The following SCNN1B variants were observed in gnomAD, a reference collection of about 807,000 sequenced individuals.
SCNN1B encodes epithelial sodium channel subunit beta.
A neutral mutation model predicts 65.3 loss-of-function variants in SCNN1B; 46 were observed. That is an observed-to-expected ratio of 0.70 (90% CI 0.56 to 0.90). The LOEUF is 0.90. Ranked by LOEUF, SCNN1B falls within the 40% of genes least tolerant of loss-of-function variation. The pLI is 0.00. For synonymous variants in SCNN1B, 349 were observed against 330.6 expected (o/e 1.06, Z -0.60); for missense variants, 751 against 830.5 (o/e 0.90, Z 1.18).
At chr16:23,302,539 C>T (rs1183165656) in intron 1 of SCNN1B, 102 bp downstream of exon 1, 1 of 152,426 alleles carries the variant, frequency 6.6e-6, no homozygotes, top group Non-Finnish European at 1.5e-5. Context: ...GAGCTCCTGT[C>T]CCGGCCTCAG....
chr16:23,314,807 A>G (rs1188630542), intron 1 of SCNN1B, among the ~76,000 whole-genome samples: 1 of 152,062 alleles, frequency 6.6e-6, no homozygotes, highest in African/African-American at 2.4e-5. Flanking sequence ...CCAGCCTTCA[A>G]TTTTCCCTGG....
rs370723057 is a variant in SCNN1B, at chr16:23,318,058, C to T, written c.-9+15621C>T. On this transcript the variant is annotated intron_variant, in intron 1 of 12. Transcript: ENST00000343070. ...GTGTAAATGCCAATCAAGAGGCAAA[C>T]GGCCCAGGTTTGCTGCCCAAGGCTT... 5.9e-5 allele frequency among the ~76,000 whole-genome samples: 9 copies of T among 152,324 alleles called. No homozygotes were observed. The South Asian group carries it at 1.9e-3, about 32-fold the overall frequency.
intron 2 of SCNN1B, among the ~76,000 whole-genome samples, chr16:23,287,003 GGTT>G (rs1206758076): frequency 3.1e-5 from 4 of 127,658 alleles, no homozygotes; most frequent in African/African-American, 1.1e-4. Context: ...GTTGTTGCTG[GGTT>G]GTTTTTTTTT....
At chr16:23,331,727 T>TG (rs1224766924) in intron 1 of SCNN1B, among the ~76,000 whole-genome samples, 2 of 152,280 alleles carry the variant, frequency 1.3e-5, no homozygotes, top group East Asian at 3.9e-4. Context: ...AATATGAATT[T>TG]GGTGGGGGGA....
intron 1 of SCNN1B, among the ~76,000 whole-genome samples, chr16:23,333,450 G>A (rs1411191886): frequency 6.6e-6 from 1 of 152,192 alleles, no homozygotes; most frequent in African/African-American, 2.4e-5. Context: ...GTGAATGACA[G>A]TTCCAACCAC....
At chr16:23,358,758 T>C (rs1291095245) in intron 4 of SCNN1B, among the ~76,000 whole-genome samples, 4 of 152,048 alleles carry the variant, frequency 2.6e-5, no homozygotes, top group African/African-American at 9.7e-5. Context: ...TATACAAAAA[T>C]TAGCCAGGTG....
intron 2 of SCNN1B, among the ~76,000 whole-genome samples, chr16:23,286,500 T>C (rs756154531): frequency 2.0e-5 from 3 of 152,218 alleles, no homozygotes; most frequent in Non-Finnish European, 4.4e-5. Flanking sequence ...AGCCTTTCAT[T>C]TTGAGCTTTC....
chr16:23,289,091 A>G lies in SCNN1B; in HGVS notation n.178+5287A>G, dbSNP rs544548491. ...TCGATGATTAGAAGCAAGCCACTAG[A>G]TCAGCCTCCCCATACAGGGGTGTTG... On this transcript the variant is annotated intron_variant and non_coding_transcript_variant, in intron 2 of 3. Transcript: ENST00000569789. 4.6e-5 allele frequency among the ~76,000 whole-genome samples: 7 copies of G among 152,324 alleles called. No individual in the cohort carries two copies. The East Asian group carries it at 1.3e-3, about 29-fold the overall frequency.
intron 1 of SCNN1B, chr16:23,323,472 A>T (rs918875413): frequency 2.9e-6 from 2 of 698,230 alleles, no homozygotes; most frequent in East Asian, 2.7e-5. Flanking sequence ...CATGCCAGAC[A>T]CTGTGCTAGG....
chr16:23,321,702 C>A (rs574282907), intron 1 of SCNN1B, among the ~76,000 whole-genome samples: 1 of 152,242 alleles, frequency 6.6e-6, no homozygotes, highest in Non-Finnish European at 1.5e-5. Flanking sequence ...AGGTACTCCG[C>A]GGACGGTGGC....
At chr16:23,283,655 T>TC (rs1960812084) in intron 1 of SCNN1B, 1 of 152,078 alleles carries the variant, frequency 6.6e-6, no homozygotes, top group South Asian at 2.1e-4. Context: ...GTCTGCATTG[T>TC]CCCTGAAAAA....
chr16:23,326,490 AGTCTCACTCT>A (rs1961700055), intron 1 of SCNN1B, among the ~76,000 whole-genome samples: 1 of 152,052 alleles, frequency 6.6e-6, no homozygotes, highest in Admixed American at 6.6e-5. Context: ...TTTGAGACAG[AGTCTCACTCT>A]GTCACCCAGG....
At chr16:23,317,920 C>T (rs948350658) in intron 1 of SCNN1B, among the ~76,000 whole-genome samples, 2 of 152,194 alleles carry the variant, frequency 1.3e-5, no homozygotes, top group African/African-American at 4.8e-5. Flanking sequence ...GTATAGGGCA[C>T]AGTCTGCACA....
chr16:23,304,161 T>C (rs1961144248), intron 1 of SCNN1B: 1 of 1,342,950 alleles, frequency 7.4e-7, no homozygotes, highest in African/African-American at 1.4e-5. Flanking sequence ...TTCAATTTAT[T>C]TTTCTTTATC....
chr16:23,293,498 C>T (rs1567286113), intron 2 of SCNN1B, among the ~76,000 whole-genome samples: 2 of 152,106 alleles, frequency 1.3e-5, no homozygotes, highest in South Asian at 4.2e-4. Context: ...AGAATGGCTG[C>T]CAGGGGCTGG....
chr16:23,357,117 T>G (rs1166846105), intron 4 of SCNN1B, among the ~76,000 whole-genome samples: 1 of 152,222 alleles, frequency 6.6e-6, no homozygotes, highest in Non-Finnish European at 1.5e-5. Flanking sequence ...TGCTCACACT[T>G]CAGGCCTCTG....
At chr16:23,356,000 T>C (rs1296324104) in intron 4 of SCNN1B, among the ~76,000 whole-genome samples, 1 of 152,174 alleles carries the variant, frequency 6.6e-6, no homozygotes, top group East Asian at 1.9e-4. Context: ...TTAGGTAAAG[T>C]CTAGGCTCAG....
At position 23,380,188 on chromosome 16, in the gene SCNN1B, C is replaced by T. The variant is rs1567321310; in HGVS notation, c.1542+19C>T. The T allele has an allele frequency of 6.2e-7, 1 of 1,605,414 alleles. No homozygotes were observed. The highest frequency in any genetic ancestry group is 8.5e-7 in the Non-Finnish European group (1 of 1,172,164). On this transcript the variant is annotated intron_variant, in intron 12 of 12. Coordinates refer to ENST00000343070, the MANE Select transcript of SCNN1B (RefSeq NM_000336.3). The surrounding 1 kb of genome is among the most constrained non-coding windows in gnomAD (Gnocchi z 5.4). ...CAATAACGTGAGTTTAGGAGTCTCC[C>T]AATACCCCAGCCCTGCCCTGCCCTG...
intron 4 of SCNN1B, among the ~76,000 whole-genome samples, chr16:23,356,920 G>T (rs1486630482): frequency 6.6e-6 from 1 of 152,174 alleles, no homozygotes; most frequent in Non-Finnish European, 1.5e-5. Flanking sequence ...AGCTCAGCTG[G>T]CAGAAGCACG....
Sources: allele counts gnomAD v4.1 joint callset (sites outside exome capture counted in the v4.1 genomes callset), GRCh38; gene constraint gnomAD v4.1.1; non-coding constraint Gnocchi (gnomAD v3.1); transcripts MANE v1.5; gene names NCBI Gene and HGNC (gene_info 2026-07-23, HGNC 2026-07-21).